Variants in C10orf88 observed in about 807,000 individuals in gnomAD.
C10orf88 encodes the protein ATPase PAAT.
Under a neutral mutation model 34.2 loss-of-function variants are expected in C10orf88, and 29 were observed. The ratio of observed to expected loss-of-function variants is 0.85; its 90% confidence interval spans 0.63 to 1.16. The LOEUF (loss-of-function observed/expected upper bound fraction) is 1.16, where lower values mean the gene tolerates loss of function less well. Among genes scored for constraint, C10orf88 ranks in the 50% most tolerant of loss-of-function variants. The pLI is 0.00. For synonymous variants in C10orf88, 194 were observed against 197.4 expected, an observed-to-expected ratio of 0.98 and a Z score of 0.15; for missense variants, 507 against 533.2, an observed-to-expected ratio of 0.95 and a Z score of 0.48.
intron 4 of C10orf88, among the ~76,000 whole-genome samples, chr10:122,948,119 C>CT (rs890024985): frequency 7.9e-5 from 12 of 152,230 alleles, no homozygotes; most frequent in African/African-American, 2.6e-4. Context: ...TTGCCTATTA[C>CT]TTTTTTGCTT....
rs758314249 is a variant in C10orf88 at position 122,952,816 on chromosome 10, A to T, written c.368+13T>A. 34 of 1,613,662 alleles carry T rather than the reference A, an allele frequency of 2.1e-5. No individual in the cohort carries two copies. Among genetic ancestry groups the T allele is most frequent in the Non-Finnish European group, 2.6e-5 (31 of 1,179,926 alleles). ...ACTTCAGAAGAACACTTTCCCGTGT[A>T]CAAGTCACACACCTGTCATCCAGGA... On this transcript the variant is annotated intron_variant, in intron 2 of 5. Transcript: ENST00000481909.
intron 4 of C10orf88, among the ~76,000 whole-genome samples, chr10:122,940,029 C>A (rs1207818791): frequency 3.9e-5 from 6 of 151,954 alleles, no homozygotes; most frequent in Non-Finnish European, 8.8e-5. Context: ...ACCATATGAT[C>A]TAACAATCCC....
intron 4 of C10orf88, among the ~76,000 whole-genome samples, chr10:122,944,292 G>A (rs1190974810): frequency 2.0e-5 from 3 of 147,888 alleles, no homozygotes; most frequent in Non-Finnish European, 4.4e-5. Flanking sequence ...ACCAAACACC[G>A]CATATTCTCA....
chr10:122,934,912 A>T (rs1016529358), intron 5 of C10orf88, among the ~76,000 whole-genome samples: 1 of 152,064 alleles, frequency 6.6e-6, no homozygotes, highest in South Asian at 2.1e-4. Context: ...CACTAAGTCA[A>T]TGTTGATCAA....
intron 5 of C10orf88, among the ~76,000 whole-genome samples, chr10:122,935,001 T>C (rs2133327795): frequency 6.6e-6 from 1 of 152,226 alleles, no homozygotes; most frequent in Middle Eastern, 3.4e-3. Context: ...TAAATTGGAT[T>C]GTTAGGTTTT....
chr10:122,944,277 A>G (rs112841186), intron 4 of C10orf88, among the ~76,000 whole-genome samples: 1 of 151,196 alleles, frequency 6.6e-6, no homozygotes, highest in African/African-American at 2.4e-5. Context: ...TCACAAGAAC[A>G]AAAAACCAAA....
At chr10:122,948,054 A>G (rs746494615) in intron 4 of C10orf88, among the ~76,000 whole-genome samples, 1 of 152,170 alleles carries the variant, frequency 6.6e-6, no homozygotes, top group Non-Finnish European at 1.5e-5. Flanking sequence ...AACATCTACA[A>G]ATTTAAACCA....
At chr10:122,953,405 C>T (rs1323000857) in intron 1 of C10orf88, among the ~76,000 whole-genome samples, 1 of 152,134 alleles carries the variant, frequency 6.6e-6, no homozygotes, top group Non-Finnish European at 1.5e-5. Flanking sequence ...CTCACTTCCA[C>T]TTGCCCTTGA....
chr10:122,952,947 C>G lies in C10orf88; in HGVS notation c.250G>C (p.Gly84Arg), dbSNP rs201715441. ...FLYLRCGPDG[G>R]EEIASIGILS... ...ATGCCAATAGAAGCGATTTCTTCAC[C>G]TCCATCAGGGCCACACCTCAGGTAA... The change falls in exon 2 of 6, where the codon GGT becomes CGT. Residue 84 changes from glycine to arginine, a missense_variant. Gly to Arg is a moderately radical substitution (Grantham distance 125, BLOSUM62 -2). Transcript: ENST00000481909. 7 of 1,614,052 alleles carry G rather than the reference C, an allele frequency of 4.3e-6. No homozygotes were observed. Among genetic ancestry groups the G allele is most frequent in the Non-Finnish European group, 5.9e-6 (7 of 1,180,046 alleles).
At chr10:122,940,291 A>C (rs970626710) in intron 4 of C10orf88, among the ~76,000 whole-genome samples, 1 of 152,060 alleles carries the variant, frequency 6.6e-6, no homozygotes, top group African/African-American at 2.4e-5. Context: ...AAGACATGCT[A>C]AGTGAAATAA....
chr10:122,939,183 G>A (rs2133330244), intron 4 of C10orf88, among the ~76,000 whole-genome samples: 1 of 151,940 alleles, frequency 6.6e-6, no homozygotes, highest in Middle Eastern at 3.4e-3. Context: ...ATTGTTTCAA[G>A]CACTGGAAAT....
At position 122,932,489 on chromosome 10, in the gene C10orf88, G is replaced by A. The variant is rs1436758774; in HGVS notation, c.1276C>T (p.Pro426Ser). Residue 426 changes from proline (P) to serine (S), a missense_variant, in exon 6 of 6, where the codon CCC (proline) becomes TCC (serine). Transcript: ENST00000481909. The part of the protein sequence containing the change: ...LDLLQNPNSP[P>S]TGIPLRHYDS... Reference sequence around the variant, plus strand: ...TAATGTCTTAGAGGTATCCCAGTGGGCGGGGAGTTAGGATTTTGCAGCAAA... The same window carrying A: ...TAATGTCTTAGAGGTATCCCAGTGGACGGGGAGTTAGGATTTTGCAGCAAA... 1.9e-6 allele frequency: 3 copies of A among 1,613,868 alleles called. No homozygotes were observed. The highest frequency in any genetic ancestry group is 2.5e-6 in the Non-Finnish European group (3 of 1,179,966).
rs576046680 is a variant in C10orf88 at position 122,954,220 on chromosome 10, C to T, written c.-42G>A. ...AGGCCAGCCCAGCCCCGGAACCTCT[C>T]TTCCAGTGCTTGAATTTCCGCCGGT... On this transcript the variant is annotated 5_prime_UTR_variant, in exon 1 of 6. Transcript: ENST00000481909. 6.8e-7 allele frequency: 1 copy of T among 1,464,618 alleles called. No individual in the cohort carries two copies. Among genetic ancestry groups the T allele is most frequent in the Admixed American group, 2.8e-5 (1 of 35,994 alleles). 90.7% of individuals were successfully genotyped at this position (1,464,618 alleles called of 1,614,324 possible).
Position 122,954,143 on chromosome 10 carries a change from G to A in C10orf88, c.36C>T (p.Arg12=), listed in dbSNP as rs565953327. The change falls in exon 1 of 6, where the codon CGC becomes CGT. Residue 12 remains arginine (R), a synonymous_variant. Coordinates refer to ENST00000481909, the MANE Select transcript of C10orf88 (RefSeq NM_024942.4). Reference sequence around the variant, plus strand: ...CCCAAGAAGAGGCCAGCGTGGGGCGGCGGGTGAGGCCCCCGTCCTCGGTCC... The same window carrying A: ...CCCAAGAAGAGGCCAGCGTGGGGCGACGGGTGAGGCCCCCGTCCTCGGTCC... ...ETRTEDGGLT[R]RPTLASSWDV... The A allele has an allele frequency of 5.0e-6, 8 of 1,584,350 alleles. No homozygotes were observed. The East Asian group carries it at 1.9e-4, about 38-fold the overall frequency.
chr10:122,951,247 T>C (rs1394533607), intron 3 of C10orf88, among the ~76,000 whole-genome samples: 3 of 152,230 alleles, frequency 2.0e-5, no homozygotes, highest in Non-Finnish European at 2.9e-5. Flanking sequence ...TATAAATGGG[T>C]TTTTGCCATC....
At chr10:122,937,583 A>T (rs1178155391) in intron 5 of C10orf88, 122 bp downstream of exon 5, 5 of 787,308 alleles carry the variant, frequency 6.4e-6, no homozygotes, top group Non-Finnish European at 1.0e-5. Flanking sequence ...AAAATGTAAA[A>T]GTTGCTAAAA....
In C10orf88 at chr10:122,938,019, C is replaced by T. The variant is rs747625450; in HGVS notation, c.789G>A (p.Leu263=). The change falls in exon 5 of 6, where the codon TTG becomes TTA. Residue 263 remains leucine (L), a synonymous_variant. Coordinates refer to ENST00000481909, the MANE Select transcript of C10orf88 (RefSeq NM_024942.4). ...AGTTTTCAGTCACGTTCCCAGATGTCAATCCAGTTCTAAAAGGAAAAGGTG... is the reference window on the plus strand; with the variant it reads ...AGTTTTCAGTCACGTTCCCAGATGTTAATCCAGTTCTAAAAGGAAAAGGTG... The part of the protein sequence containing the change: ...SSTPFPFRTG[L]TSGNVTENLQ... The T allele has an allele frequency of 6.2e-7, 1 of 1,613,328 alleles. No individual in the cohort carries two copies. Among genetic ancestry groups the T allele is most frequent in the East Asian group, 2.2e-5 (1 of 44,846 alleles).
intron 2 of C10orf88, 141 bp from the exon 3 acceptor site, chr10:122,952,167 A>C (rs1490881018): frequency 7.1e-6 from 4 of 559,792 alleles, no homozygotes; most frequent in East Asian, 3.1e-5. Context: ...GTTGGGCTCC[A>C]TAACTGAAGC....
At position 122,931,600 on chromosome 10, in the gene C10orf88, G is replaced by C. The variant is rs987266006; in HGVS notation, c.*827C>G. 18 of 152,158 alleles carry C rather than the reference G, an allele frequency of 1.2e-4. No homozygotes were observed. The highest frequency in any genetic ancestry group is 4.3e-4 in the African/African-American group (18 of 41,420). 9.4% of individuals were successfully genotyped at this position (152,158 alleles called of 1,614,324 possible). A position where few individuals can be genotyped will look rare whatever the true frequency, so the allele number is the denominator to read the frequency against. Reference sequence around the variant, plus strand: ...TAAGGTCTGAAAACTAAGTCTATCAGAGAGAATTGCAATCCCTTGACTCAT... The same window carrying C: ...TAAGGTCTGAAAACTAAGTCTATCACAGAGAATTGCAATCCCTTGACTCAT... On this transcript the variant is annotated 3_prime_UTR_variant, in exon 6 of 6. Coordinates refer to ENST00000481909, the MANE Select transcript of C10orf88 (RefSeq NM_024942.4).
Sources: allele counts gnomAD v4.1 joint callset (sites outside exome capture counted in the v4.1 genomes callset), GRCh38; gene constraint gnomAD v4.1.1; transcripts MANE v1.5; gene names NCBI Gene and HGNC (gene_info 2026-07-23, HGNC 2026-07-21).